COL25A1: variants seen among roughly 807,000 people sequenced by gnomAD.
COL25A1 encodes the protein collagen alpha-1(XXV) chain.
COL25A1 carries 103 observed loss-of-function variants against 128.4 expected under a neutral mutation model. That is an observed-to-expected ratio of 0.80 (90% CI 0.68 to 0.94). COL25A1 has a LOEUF of 0.94. Among genes scored for constraint, COL25A1 ranks in the 40% least tolerant of loss-of-function variants. The pLI, the probability that COL25A1 is intolerant of heterozygous loss-of-function variation, is 0.00. For missense variants in COL25A1, 745 were observed against 840.0 expected (o/e 0.89, Z 1.40); for synonymous variants, 279 against 277.2 (o/e 1.01, Z -0.06).
At chr4:108,950,327 C>T (rs889301164) in intron 8 of COL25A1, among the ~76,000 whole-genome samples, 18 of 152,168 alleles carry the variant, frequency 1.2e-4, no homozygotes, top group African/African-American at 4.1e-4. Flanking sequence ...AGGAAAGCAA[C>T]ACCACAGAGA....
At chr4:108,929,189 CTT>C (rs1243330698) in intron 11 of COL25A1, among the ~76,000 whole-genome samples, 2 of 151,980 alleles carry the variant, frequency 1.3e-5, no homozygotes, top group Non-Finnish European at 2.9e-5. Context: ...AATGGTGCGA[CTT>C]TGGCTCACTG....
At chr4:109,284,840 A>G (rs5860978) in intron 3 of COL25A1, among the ~76,000 whole-genome samples, 14,813 of 100,380 alleles carry the variant, frequency 0.15, 932 homozygotes, top group East Asian at 0.3. Context: ...CCCACCCAGG[A>G]AAAAAAAAAA....
intron 3 of COL25A1, among the ~76,000 whole-genome samples, chr4:109,273,564 T>C (rs773350645): frequency 1.2e-4 from 19 of 152,228 alleles, no homozygotes; most frequent in Non-Finnish European, 2.2e-4. Flanking sequence ...CATATGATTA[T>C]TACTTCTGAA....
intron 3 of COL25A1, among the ~76,000 whole-genome samples, chr4:109,114,322 C>T (rs765994980): frequency 1.1e-4 from 17 of 151,234 alleles, no homozygotes; most frequent in Non-Finnish European, 1.5e-4. Flanking sequence ...AACAGGATTA[C>T]AATTTAGGAC....
chr4:109,044,760 T>C (rs978773810), intron 5 of COL25A1, among the ~76,000 whole-genome samples: 1 of 152,146 alleles, frequency 6.6e-6, no homozygotes, highest in Non-Finnish European at 1.5e-5. Flanking sequence ...AGGGCAACTG[T>C]GATTAAGATG....
chr4:109,109,035 A>C (rs924763917), intron 3 of COL25A1, among the ~76,000 whole-genome samples: 13 of 152,202 alleles, frequency 8.5e-5, no homozygotes, highest in Non-Finnish European at 2.9e-5. Context: ...CACTTTAAAA[A>C]ACTGGCAAAT....
At chr4:109,028,121 T>C (rs1758484889) in intron 5 of COL25A1, among the ~76,000 whole-genome samples, 2 of 152,180 alleles carry the variant, frequency 1.3e-5, no homozygotes, top group African/African-American at 4.8e-5. Context: ...AATTCATTTA[T>C]TTATTCATTC....
chr4:109,003,243 T>C (rs1755632079), intron 6 of COL25A1, among the ~76,000 whole-genome samples: 1 of 152,142 alleles, frequency 6.6e-6, no homozygotes, highest in Non-Finnish European at 1.5e-5. Flanking sequence ...ATCCAGAATC[T>C]ACATAGAACT....
chr4:109,153,128 G>A (rs1771676056), intron 3 of COL25A1, among the ~76,000 whole-genome samples: 1 of 152,154 alleles, frequency 6.6e-6, no homozygotes, highest in African/African-American at 2.4e-5. Flanking sequence ...GCTCATGCCT[G>A]TAATCCCAGC....
At chr4:108,977,958 C>T (rs1752599594) in intron 6 of COL25A1, among the ~76,000 whole-genome samples, 2 of 152,188 alleles carry the variant, frequency 1.3e-5, no homozygotes, top group African/African-American at 2.4e-5. Flanking sequence ...TGTACCAGTC[C>T]TCTAAAGGCA....
intron 18 of COL25A1, among the ~76,000 whole-genome samples, chr4:108,886,150 A>G (rs181299704): frequency 3.3e-5 from 5 of 152,286 alleles, no homozygotes; most frequent in Admixed American, 2.6e-4. Flanking sequence ...TTAGAAATTC[A>G]TATTTCTCAT....
At chr4:109,176,639 C>T (rs1168996706) in intron 3 of COL25A1, among the ~76,000 whole-genome samples, 1 of 152,128 alleles carries the variant, frequency 6.6e-6, no homozygotes, top group East Asian at 1.9e-4. Flanking sequence ...AAGCCCTAGT[C>T]CCCAGTACCT....
chr4:108,974,340 G>C, intron 8 of COL25A1, 27 bp downstream of exon 8: 1 of 1,611,764 alleles, frequency 6.2e-7, no homozygotes, highest in South Asian at 1.1e-5. Flanking sequence ...CTAATTTTCC[G>C]CCCAAGATAG....
intron 3 of COL25A1, among the ~76,000 whole-genome samples, chr4:109,108,558 G>T (rs191368650): frequency 0.015 from 2,298 of 152,170 alleles, 51 homozygotes; most frequent in East Asian, 0.078. Context: ...TAATGGGATG[G>T]CTGGGTCAAA....
intron 3 of COL25A1, among the ~76,000 whole-genome samples, chr4:109,279,851 T>G (rs1010130816): frequency 6.6e-6 from 1 of 152,168 alleles, no homozygotes; most frequent in Non-Finnish European, 1.5e-5. Flanking sequence ...CTTTCCTATC[T>G]TACATTTGTT....
At chr4:108,880,640 G>A (rs1339195235) in intron 19 of COL25A1, among the ~76,000 whole-genome samples, 1 of 152,156 alleles carries the variant, frequency 6.6e-6, no homozygotes, top group Non-Finnish European at 1.5e-5. Context: ...AGCTCTCTGA[G>A]TTATGGTCAA....
chr4:109,098,764 C>G (rs1026440098), intron 3 of COL25A1, among the ~76,000 whole-genome samples: 7 of 152,224 alleles, frequency 4.6e-5, no homozygotes, highest in African/African-American at 1.7e-4. Flanking sequence ...CAAAATGACC[C>G]CTATTCCCCA....
rs773822512 is a variant in COL25A1 at position 108,899,199 on chromosome 4, ATTGG to A, written c.835-23_835-20del. On this transcript the variant is annotated intron_variant, in intron 14 of 37. Transcript: ENST00000399132. ...GTTCTCCCTGAGCAAAAAGACAGAG[ATTGG>A]GTGACATCAAATCATAAAACACCTA... 1 of 1,604,850 alleles carries A rather than the reference ATTGG, an allele frequency of 6.2e-7. No individual in the cohort carries two copies. The highest frequency in any genetic ancestry group is 1.7e-5 in the Admixed American group (1 of 59,278).
chr4:109,037,584 A>G (rs537620761), intron 5 of COL25A1, among the ~76,000 whole-genome samples: 3 of 152,326 alleles, frequency 2.0e-5, no homozygotes, highest in Admixed American at 6.5e-5. Context: ...TCATTCTCGC[A>G]TGTGCGGCAG....
Sources: gnomAD v4.1 joint callset for allele counts (sites outside exome capture counted in the v4.1 genomes callset) on GRCh38, gnomAD v4.1.1 for gene constraint, MANE v1.5 for transcripts, NCBI Gene and HGNC (gene_info 2026-07-23, HGNC 2026-07-21) for gene names.